RYR2: variants seen among roughly 807,000 people sequenced by gnomAD.
RYR2 encodes the protein ryanodine receptor 2.
Under a neutral mutation model 601.1 loss-of-function variants are expected in RYR2, and 227 were observed. The ratio of observed to expected loss-of-function variants is 0.38; its 90% CI spans 0.34 to 0.42. The LOEUF is 0.42. Ranked by LOEUF, RYR2 falls within the 10% of genes least tolerant of loss-of-function variation. RYR2 has a pLI of 1.00. For synonymous variants in RYR2, 2,223 were observed against 2,175.1 expected, an observed-to-expected ratio of 1.02 and a Z score of -0.61; for missense variants, 4,646 against 6,156.5, an observed-to-expected ratio of 0.75 and a Z score of 8.21.
chr1:237,246,992 CAT>C (rs2149257640), intron 1 of RYR2, among the ~76,000 whole-genome samples: 1 of 152,332 alleles, frequency 6.6e-6, no homozygotes, highest in African/African-American at 2.4e-5. Flanking sequence ...TGTGGTCCTA[CAT>C]ATTATTTTGC....
At chr1:237,264,044 A>G (rs10158497) in intron 1 of RYR2, among the ~76,000 whole-genome samples, 44,683 of 151,528 alleles carry the variant, frequency 0.29, 7,380 homozygotes, top group African/African-American at 0.45. Context: ...GCAGCAGTCA[A>G]GCTAACTTTG....
chr1:237,065,813 G>A (rs572267712), intron 1 of RYR2, among the ~76,000 whole-genome samples: 1 of 152,206 alleles, frequency 6.6e-6, no homozygotes, highest in Non-Finnish European at 1.5e-5. Context: ...GACAGTTTCT[G>A]GGGAGGTCTC....
chr1:237,719,521 G>A (rs1689534482), intron 73 of RYR2, among the ~76,000 whole-genome samples: 1 of 152,088 alleles, frequency 6.6e-6, no homozygotes, highest in African/African-American at 2.4e-5. Context: ...CGCCTGGCAG[G>A]AGCAGGAACA....
chr1:237,169,963 T>C (rs1677168093), intron 1 of RYR2, among the ~76,000 whole-genome samples: 1 of 152,144 alleles, frequency 6.6e-6, no homozygotes, highest in Admixed American at 6.6e-5. Context: ...ATTCATTGAG[T>C]GCTTTTTGTG....
rs73106016 is a variant in RYR2 at position 237,828,575 on chromosome 1, G to A, written c.14655+130G>A. ...GGGCACAACTTGTGGTTTCACTGGC[G>A]TGTTTTCCATTCAAGCAATACATAT... On this transcript the variant is annotated intron_variant, in intron 102 of 104. Transcript: ENST00000366574. The A allele has an allele frequency of 5.0e-3, 3,022 of 603,948 alleles. 60 individuals are homozygous for A. The highest frequency in any genetic ancestry group is 0.047 in the African/African-American group (2,525 of 54,268). The allele number at this position is 603,948 out of a possible 1,614,324, so 37.4% of individuals were successfully genotyped here.
chr1:237,390,585 A>C (rs564272157), intron 10 of RYR2, among the ~76,000 whole-genome samples: 1 of 152,298 alleles, frequency 6.6e-6, no homozygotes, highest in Non-Finnish European at 1.5e-5. Context: ...GAAAAGTTTG[A>C]GGGACTCTGG....
At chr1:237,801,255 G>A (rs957347968) in intron 97 of RYR2, among the ~76,000 whole-genome samples, 2 of 151,174 alleles carry the variant, frequency 1.3e-5, no homozygotes, top group Non-Finnish European at 2.9e-5. Flanking sequence ...ATGTAGCTGG[G>A]CACAATGGTG....
chr1:237,112,604 C>A (rs76436443), intron 1 of RYR2, among the ~76,000 whole-genome samples: 2 of 150,318 alleles, frequency 1.3e-5, no homozygotes, highest in African/African-American at 2.4e-5. Flanking sequence ...GCTAATGGCT[C>A]TCCCCTTCCA....
intron 24 of RYR2, among the ~76,000 whole-genome samples, chr1:237,512,059 AT>A (rs1665972012): frequency 6.6e-6 from 1 of 152,102 alleles, no homozygotes; most frequent in Non-Finnish European, 1.5e-5. Context: ...GATGATGAGG[AT>A]TTTGTGACCT....
intron 11 of RYR2, among the ~76,000 whole-genome samples, chr1:237,419,054 T>C (rs985135778): frequency 1.3e-5 from 2 of 152,052 alleles, no homozygotes; most frequent in East Asian, 1.9e-4. Flanking sequence ...TTTTTTTACA[T>C]TGTGTATTAT....
At chr1:237,116,404 T>A (rs770327613) in intron 1 of RYR2, among the ~76,000 whole-genome samples, 10 of 152,182 alleles carry the variant, frequency 6.6e-5, no homozygotes, top group Non-Finnish European at 1.2e-4. Flanking sequence ...TGTTCTCGTC[T>A]CATGCAGGAG....
intron 35 of RYR2, among the ~76,000 whole-genome samples, chr1:237,602,453 T>C (rs1258697641): frequency 1.3e-5 from 2 of 152,206 alleles, no homozygotes; most frequent in African/African-American, 4.8e-5. Flanking sequence ...GTGGTATGTA[T>C]GGAATACTCC....
At chr1:237,759,879 T>G in intron 83 of RYR2, 27 bp downstream of exon 83, 1 of 1,450,132 alleles carries the variant, frequency 6.9e-7, no homozygotes, top group Non-Finnish European at 9.6e-7. Context: ...TTCTTGGGGG[T>G]TCTACTCAGT....
chr1:237,703,575 G>A (rs1194428814), intron 66 of RYR2, among the ~76,000 whole-genome samples: 1 of 147,414 alleles, frequency 6.8e-6, no homozygotes, highest in Non-Finnish European at 1.5e-5. Flanking sequence ...TATATATATA[G>A]TGCTTATATA....
intron 1 of RYR2, among the ~76,000 whole-genome samples, chr1:237,114,507 CA>C (rs1234281228): frequency 2.0e-5 from 3 of 152,140 alleles, no homozygotes; most frequent in Non-Finnish European, 4.4e-5. Context: ...TGAATTCAGA[CA>C]CTTTAGAGCT....
At chr1:237,262,060 T>G (rs1293186087) in intron 1 of RYR2, among the ~76,000 whole-genome samples, 1 of 152,070 alleles carries the variant, frequency 6.6e-6, no homozygotes, top group Non-Finnish European at 1.5e-5. Context: ...TTTTAAATGA[T>G]GAATGACTAT....
chr1:237,320,965 G>GTT lies in RYR2; in HGVS notation c.169-9901_169-9900dup, dbSNP rs11443660. ...AGAGCAGGCTCACTGTCACATTTAG[G>GTT]TTTTTTTTTTTTTAAATCAATCACA... On this transcript the variant is annotated intron_variant, in intron 2 of 104. Transcript: ENST00000366574. Among the ~76,000 whole-genome samples, 697 of 146,478 alleles carry GTT rather than the reference G, an allele frequency of 4.8e-3. 5 individuals carry two copies. Among genetic ancestry groups the GTT allele is most frequent in the South Asian group, 0.015 (68 of 4,648 alleles).
intron 17 of RYR2, among the ~76,000 whole-genome samples, chr1:237,474,207 G>A (rs1661111968): frequency 9.0e-6 from 1 of 111,524 alleles, no homozygotes; most frequent in Non-Finnish European, 2.1e-5. Flanking sequence ...ATATATGTGT[G>A]TGTGTGTGTG....
intron 10 of RYR2, among the ~76,000 whole-genome samples, chr1:237,408,043 C>A (rs971952214): frequency 2.0e-5 from 3 of 152,042 alleles, no homozygotes; most frequent in African/African-American, 7.2e-5. Context: ...TGTTTTCTTG[C>A]AGATCAGAGG....
Sources: gnomAD v4.1 joint callset for allele counts (sites outside exome capture counted in the v4.1 genomes callset) on GRCh38, gnomAD v4.1.1 for gene constraint, MANE v1.5 for transcripts, NCBI Gene and HGNC (gene_info 2026-07-23, HGNC 2026-07-21) for gene names.